The following SNTG1 variants were observed in gnomAD, a reference collection of about 807,000 sequenced individuals.
The protein encoded by SNTG1 is syntrophin gamma 1.
A neutral mutation model predicts 74.7 loss-of-function variants in SNTG1; 39 were observed. That is an observed-to-expected ratio of 0.52 (90% CI 0.40 to 0.68). The LOEUF (loss-of-function observed/expected upper bound fraction) is 0.68, where lower values mean the gene tolerates loss of function less well. Ranked by LOEUF, SNTG1 falls within the 30% of genes least tolerant of loss-of-function variation. The probability of loss-of-function intolerance (pLI) is 0.00; values close to 1 mark genes in which losing one functional copy is unlikely to be tolerated. For missense variants in SNTG1, 685 were observed against 609.5 expected, an observed-to-expected ratio of 1.12 and a Z score of -1.30; for synonymous variants, 254 against 217.1, an observed-to-expected ratio of 1.17 and a Z score of -1.49.
At chr8:50,696,861 T>G (rs1364614342) in intron 15 of SNTG1, among the ~76,000 whole-genome samples, 1 of 152,142 alleles carries the variant, frequency 6.6e-6, no homozygotes, top group Non-Finnish European at 1.5e-5. Flanking sequence ...CTAGTATTAT[T>G]TGAAGTCAGG....
rs2079957636 is a variant in SNTG1, at chr8:50,097,142, TTG to T, written c.-102-75415_-102-75414del. Among the ~76,000 whole-genome samples, 3 of 152,148 alleles carry T rather than the reference TTG, an allele frequency of 2.0e-5. No individual in the cohort carries two copies. The South Asian group carries it at 6.2e-4, about 32-fold the overall frequency. ...CCACCACCACACCCGGCTAATTTTT[TTG>T]TGTTTTTAGTAGAGACGCAGTTTCG... On this transcript the variant is annotated intron_variant, in intron 1 of 18. Coordinates refer to ENST00000642720, the MANE Select transcript of SNTG1 (RefSeq NM_018967.5).
At position 50,095,409 on chromosome 8, in the gene SNTG1, C is replaced by A. The variant is rs543701126; in HGVS notation, c.-102-77152C>A. ...CATTTAGATATGTGAATGACAGAAA[C>A]AGTCTCAGCGTTGCTCAAAATGAAG... On this transcript the variant is annotated intron_variant, in intron 1 of 18. Coordinates refer to ENST00000642720, the MANE Select transcript of SNTG1 (RefSeq NM_018967.5). Among the ~76,000 whole-genome samples the A allele has an allele frequency of 4.6e-5, 7 of 152,276 alleles. No homozygotes were observed. In the South Asian group the frequency reaches 1.2e-3, roughly 27 times the overall value.
At chr8:50,042,991 A>G (rs942010140) in intron 1 of SNTG1, among the ~76,000 whole-genome samples, 2 of 152,220 alleles carry the variant, frequency 1.3e-5, no homozygotes, top group African/African-American at 4.8e-5. Flanking sequence ...ATAAAAAACT[A>G]AAAGTTATGA....
intron 4 of SNTG1, among the ~76,000 whole-genome samples, chr8:50,428,143 C>T (rs2093187254): frequency 6.6e-6 from 1 of 152,034 alleles, no homozygotes; most frequent in Admixed American, 6.6e-5. Context: ...AACTACATTT[C>T]TACAAAAAAT....
intron 1 of SNTG1, among the ~76,000 whole-genome samples, chr8:49,935,568 G>T (rs1368375135): frequency 6.6e-6 from 1 of 150,808 alleles, no homozygotes; most frequent in Non-Finnish European, 1.5e-5. Flanking sequence ...ATGCAGCCCA[G>T]GTGACTCTAT....
chr8:49,930,465 G>T (rs1449936707), intron 1 of SNTG1, among the ~76,000 whole-genome samples: 1 of 139,214 alleles, frequency 7.2e-6, no homozygotes, highest in African/African-American at 2.5e-5. Flanking sequence ...AGAAATAAAA[G>T]AGGACTTTCT....
chr8:49,919,897 T>C (rs956526261), intron 1 of SNTG1, among the ~76,000 whole-genome samples: 4 of 152,116 alleles, frequency 2.6e-5, no homozygotes, highest in African/African-American at 9.7e-5. Flanking sequence ...AATCTACTTG[T>C]GTACATTTTA....
At position 50,047,889 on chromosome 8, in the gene SNTG1, T is replaced by C. The variant is rs565839570; in HGVS notation, c.-102-124672T>C. On this transcript the variant is annotated intron_variant, in intron 1 of 18. Transcript: ENST00000642720. ...TTGAAAATTATGCAAATTTGGTGAA[T>C]CCTGAGTTAGTGGTTAAGACTTAAG... is the stretch of plus-strand genomic sequence containing the variant. Among the ~76,000 whole-genome samples, 3 of 152,294 alleles carry C rather than the reference T, an allele frequency of 2.0e-5. 1 individual carries two copies. In the South Asian group the frequency reaches 6.2e-4, roughly 32 times the overall value.
chr8:50,662,627 T>C (rs1471456997), intron 15 of SNTG1, among the ~76,000 whole-genome samples: 3 of 152,216 alleles, frequency 2.0e-5, no homozygotes, highest in Non-Finnish European at 4.4e-5. Context: ...ACACTGTCTC[T>C]GTCTCTCAGC....
At chr8:50,721,652 G>C (rs1332497556) in intron 17 of SNTG1, among the ~76,000 whole-genome samples, 1 of 152,102 alleles carries the variant, frequency 6.6e-6, no homozygotes, top group Non-Finnish European at 1.5e-5. Flanking sequence ...TCACTAAAAA[G>C]GTAGGTCAGA....
In SNTG1 at chr8:50,377,544, C is replaced by A. The variant is rs562083670; in HGVS notation, c.-27-16668C>A. On this transcript the variant is annotated intron_variant, in intron 2 of 18. Coordinates refer to ENST00000642720, the MANE Select transcript of SNTG1 (RefSeq NM_018967.5). Reference sequence around the variant, plus strand: ...TATTCATGAATTTTCAGAATTTTTTCTCCTCTAAGTGAAGAATCAATGGTT... The same window carrying A: ...TATTCATGAATTTTCAGAATTTTTTATCCTCTAAGTGAAGAATCAATGGTT... Among the ~76,000 whole-genome samples the A allele has an allele frequency of 2.5e-3, 376 of 151,938 alleles. 21 individuals carry two copies. In the South Asian group the frequency reaches 0.076, roughly 31 times the overall value.
intron 1 of SNTG1, among the ~76,000 whole-genome samples, chr8:49,954,549 T>C (rs977875371): frequency 6.6e-6 from 1 of 152,218 alleles, no homozygotes; most frequent in African/African-American, 2.4e-5. Context: ...GTATTTTCTC[T>C]GCAGTTTCTT....
At chr8:50,259,228 G>A (rs1386663206) in intron 2 of SNTG1, among the ~76,000 whole-genome samples, 1 of 152,112 alleles carries the variant, frequency 6.6e-6, no homozygotes, top group East Asian at 1.9e-4. Context: ...ATCAGTCACA[G>A]TGGCTCACAC....
intron 2 of SNTG1, among the ~76,000 whole-genome samples, chr8:50,242,121 A>G (rs1225849045): frequency 6.6e-6 from 1 of 152,046 alleles, no homozygotes; most frequent in Non-Finnish European, 1.5e-5. Context: ...ATATATATGT[A>G]TACATATATA....
At chr8:50,019,861 C>A (rs990672796) in intron 1 of SNTG1, among the ~76,000 whole-genome samples, 2 of 152,042 alleles carry the variant, frequency 1.3e-5, no homozygotes, top group African/African-American at 4.8e-5. Flanking sequence ...GCAGTGCTAT[C>A]ATGCATGTCA....
At chr8:50,173,187 T>C (rs889637105) in intron 2 of SNTG1, among the ~76,000 whole-genome samples, 11 of 152,178 alleles carry the variant, frequency 7.2e-5, no homozygotes, top group Admixed American at 2.0e-4. Flanking sequence ...ATCAAATTCC[T>C]TCAGGAAGGG....
At chr8:50,555,829 A>G (rs1046576141) in intron 12 of SNTG1, among the ~76,000 whole-genome samples, 10 of 152,212 alleles carry the variant, frequency 6.6e-5, no homozygotes, top group Admixed American at 6.5e-5. Context: ...ATACATATGT[A>G]TATAAACTTT....
intron 12 of SNTG1, among the ~76,000 whole-genome samples, chr8:50,580,437 G>A (rs1287644216): frequency 2.6e-5 from 4 of 152,148 alleles, no homozygotes; most frequent in African/African-American, 9.7e-5. Flanking sequence ...GAAATGGGAA[G>A]ACATGATTTT....
rs570477021 is a variant in SNTG1 at position 50,263,148 on chromosome 8, A to T, written c.-28+90513A>T. 3.0e-4 allele frequency among the ~76,000 whole-genome samples: 46 copies of T among 152,304 alleles called. No individual in the cohort carries two copies. The East Asian group carries it at 8.9e-3, about 29-fold the overall frequency. On this transcript the variant is annotated intron_variant, in intron 2 of 18. Coordinates refer to ENST00000642720, the MANE Select transcript of SNTG1 (RefSeq NM_018967.5). The stretch of plus-strand genomic sequence containing the variant: ...GTCAGTGTGGGTTATCAATTTTAAG[A>T]AATGTACCACCGTGGTGGGAGATAT...
Sources: gnomAD v4.1 joint callset for allele counts (sites outside exome capture counted in the v4.1 genomes callset) on GRCh38, gnomAD v4.1.1 for gene constraint, MANE v1.5 for transcripts, NCBI Gene and HGNC (gene_info 2026-07-23, HGNC 2026-07-21) for gene names.